ASIC5: variants seen among roughly 807,000 people sequenced by gnomAD.
The protein encoded by ASIC5 is bile acid-sensitive ion channel.
In ASIC5, 52 loss-of-function variants were observed where a neutral mutation model predicts 51.2. That is an observed-to-expected ratio of 1.02 (90% CI 0.81 to 1.28). The LOEUF is 1.28. Ranked by LOEUF, ASIC5 falls within the 50% of genes most tolerant of loss-of-function variation. ASIC5 has a pLI of 0.00. For synonymous variants in ASIC5, 231 were observed against 200.7 expected (o/e 1.15, Z -1.28); for missense variants, 635 against 595.0 (o/e 1.07, Z -0.70).
At chr4:155,855,368 C>A (rs1431444867) in intron 2 of ASIC5, 1 of 152,070 alleles carries the variant, frequency 6.6e-6, no homozygotes, top group East Asian at 1.9e-4. Context: ...TTCTGGCCAC[C>A]AAAGCAGAAG....
chr4:155,844,824 C>G (rs994743590), intron 4 of ASIC5, among the ~76,000 whole-genome samples: 1 of 151,968 alleles, frequency 6.6e-6, no homozygotes, highest in Non-Finnish European at 1.5e-5. Flanking sequence ...ATAAGTATCC[C>G]CCTCAGAAGA....
chr4:155,863,422 A>C, intron 2 of ASIC5, 26 bp downstream of exon 2: 1 of 1,550,810 alleles, frequency 6.4e-7, no homozygotes, highest in Non-Finnish European at 8.8e-7. Flanking sequence ...ATAGGAACTA[A>C]TTATTTTTAA....
chr4:155,847,551 T>C (rs375096333), intron 4 of ASIC5, among the ~76,000 whole-genome samples: 3 of 151,990 alleles, frequency 2.0e-5, no homozygotes, highest in East Asian at 3.9e-4. Context: ...TGAAACCCCA[T>C]CTCTACTAAA....
At chr4:155,851,338 G>A (rs1467773362) in intron 4 of ASIC5, among the ~76,000 whole-genome samples, 1 of 152,010 alleles carries the variant, frequency 6.6e-6, no homozygotes, top group African/African-American at 2.4e-5. Flanking sequence ...ACAAAAGGAA[G>A]CTATGAAGAG....
chr4:155,836,829 T>C lies in ASIC5; in HGVS notation c.1095A>G (p.Thr365=). 1.2e-6 allele frequency: 2 copies of C among 1,604,274 alleles called. No individual in the cohort carries two copies. Among genetic ancestry groups the C allele is most frequent in the South Asian group, 2.2e-5 (2 of 89,128 alleles). Residue 365 remains threonine (T), a synonymous_variant, in exon 8 of 10, where the codon ACA becomes ACG. Transcript: ENST00000537611. ...LDHIEFKDLC[T]VGTHNSSCPV... ...GGCAGCTAGAGTTATGTGTTCCTAC[T>C]GTACATAAATCCTTAAATTCAATGT...
chr4:155,857,687 C>A (rs986783783), intron 2 of ASIC5, among the ~76,000 whole-genome samples: 1 of 152,012 alleles, frequency 6.6e-6, no homozygotes, highest in African/African-American at 2.4e-5. Flanking sequence ...ATCTAAAATC[C>A]AAGTTGATGC....
Position 155,866,216 on chromosome 4 carries a change from G to A in ASIC5, c.11C>T (p.Thr4Ile), listed in dbSNP as rs28559297. 2.8e-3 allele frequency: 4,431 copies of A among 1,607,854 alleles called. 70 individuals are homozygous for A. The African/African-American group carries it at 0.042, about 15-fold the overall frequency. The change falls in exon 1 of 10, where the codon ACA becomes ATA. Residue 4 changes from threonine to isoleucine, a missense_variant. Coordinates refer to ENST00000537611, the MANE Select transcript of ASIC5 (RefSeq NM_017419.3). ...CTCAGCATATACTTTTGATTTTTCT[G>A]TCTGCTCCATTTGTGATTTCAGTTA... MEQ[T>I]EKSKVYAENG...
intron 4 of ASIC5, among the ~76,000 whole-genome samples, chr4:155,849,436 T>G (rs774373705): frequency 1.3e-5 from 2 of 152,046 alleles, no homozygotes; most frequent in African/African-American, 4.8e-5. Flanking sequence ...AAATAACTAT[T>G]CTTGGTGCAC....
intron 2 of ASIC5, among the ~76,000 whole-genome samples, chr4:155,857,064 T>A (rs904121505): frequency 6.6e-6 from 1 of 151,678 alleles, no homozygotes; most frequent in Non-Finnish European, 1.5e-5. Context: ...AGGAAGAAAA[T>A]TTTTTGTGAG....
At chr4:155,841,875 T>C (rs1741128400) in intron 6 of ASIC5, among the ~76,000 whole-genome samples, 2 of 152,124 alleles carry the variant, frequency 1.3e-5, no homozygotes, top group African/African-American at 4.8e-5. Flanking sequence ...AATTTTCCAG[T>C]GTAGAATTTC....
At chr4:155,846,480 TA>T (rs1741244459) in intron 4 of ASIC5, among the ~76,000 whole-genome samples, 1 of 152,088 alleles carries the variant, frequency 6.6e-6, no homozygotes, top group South Asian at 2.1e-4. Context: ...CCACAGGCAG[TA>T]AGGAGGTTTG....
intron 3 of ASIC5, 109 bp from the exon 4 acceptor site, chr4:155,852,425 G>T: frequency 5.8e-6 from 5 of 867,410 alleles, no homozygotes; most frequent in Non-Finnish European, 8.6e-6. Flanking sequence ...CAAGACTGCA[G>T]AAATATCAGA....
Position 155,831,926 on chromosome 4 carries a change from A to G in ASIC5, c.1236-11T>C. Reference sequence around the variant, plus strand: ...TTTACAAGATTCTCCCTAGGGATAAAAAAGAGAGTTAATATAGCTTAAGAT... The same window carrying G: ...TTTACAAGATTCTCCCTAGGGATAAGAAAGAGAGTTAATATAGCTTAAGAT... On this transcript the variant is annotated splice_polypyrimidine_tract_variant and intron_variant, in intron 8 of 9. Transcript: ENST00000537611. The G allele has an allele frequency of 7.3e-7, 1 of 1,374,526 alleles. No individual in the cohort carries two copies. The highest frequency in any genetic ancestry group is 1.0e-6 in the Non-Finnish European group (1 of 969,416). The allele number at this position is 1,374,526 out of a possible 1,614,324, so 85.1% of individuals were successfully genotyped here.
Position 155,852,293 on chromosome 4 carries a change from T to G in ASIC5, c.609A>C (p.Glu203Asp). 1 of 1,594,326 alleles carries G rather than the reference T, an allele frequency of 6.3e-7. No individual in the cohort carries two copies. The highest frequency in any genetic ancestry group is 8.5e-7 in the Non-Finnish European group (1 of 1,173,532). ...GATTAAAAGTAAAACAATTTCCATA[T>G]TCAGTGAAGACATGTGCAAAATCCT... ...SPKDFAHVFT[E>D]YGNCFTFNHG... Residue 203 changes from glutamate to aspartate, a missense_variant, in exon 4 of 10, where the codon GAA becomes GAC. Coordinates refer to ENST00000537611, the MANE Select transcript of ASIC5 (RefSeq NM_017419.3).
At chr4:155,830,592 A>G (rs1233827806) in intron 9 of ASIC5, among the ~76,000 whole-genome samples, 1 of 152,222 alleles carries the variant, frequency 6.6e-6, no homozygotes, top group Non-Finnish European at 1.5e-5. Context: ...GGTAAAATAT[A>G]TATACCCTAA....
In ASIC5 at chr4:155,843,761, T is replaced by C; in HGVS notation, c.781A>G (p.Lys261Glu). 1 of 1,613,632 alleles carries C rather than the reference T, an allele frequency of 6.2e-7. No homozygotes were observed. Among genetic ancestry groups the C allele is most frequent in the South Asian group, 1.1e-5 (1 of 91,062 alleles). The part of the protein sequence containing the change: ...AGIIFVIHSP[K>E]KVPQFDGLGL... ...AACCCATCAAACTGTGGCACCTTCT[T>C]TGGTGAATGGATAACAAAGATGATC... The change falls in exon 5 of 10, where the codon AAG becomes GAG. Residue 261 changes from lysine to glutamate, a missense_variant. Transcript: ENST00000537611.
chr4:155,838,976 C>G, intron 6 of ASIC5, 107 bp from the exon 7 acceptor site: 1 of 621,566 alleles, frequency 1.6e-6, no homozygotes, highest in Non-Finnish European at 2.9e-6. Context: ...ATTCATCCAC[C>G]CACCCATTCT....
intron 8 of ASIC5, 65 bp downstream of exon 8, chr4:155,836,624 G>T: frequency 1.1e-6 from 1 of 941,058 alleles, no homozygotes; most frequent in Non-Finnish European, 1.5e-6. Context: ...AGTCTTTGAG[G>T]GTTTTCAATA....
chr4:155,841,478 A>AGAGCC (rs1741119385), intron 6 of ASIC5, among the ~76,000 whole-genome samples: 1 of 152,140 alleles, frequency 6.6e-6, no homozygotes, highest in East Asian at 1.9e-4. Context: ...GAGAAATTGT[A>AGAGCC]GAGCCGACAT....
Sources: allele counts gnomAD v4.1 joint callset (sites outside exome capture counted in the v4.1 genomes callset), GRCh38; gene constraint gnomAD v4.1.1; transcripts MANE v1.5; gene names NCBI Gene and HGNC (gene_info 2026-07-23, HGNC 2026-07-21).